The following PLXDC2 variants were observed in gnomAD, a reference collection of about 807,000 sequenced individuals.
PLXDC2 encodes the protein plexin domain containing 2.
PLXDC2 carries 40 observed loss-of-function variants against 68.9 expected under a neutral mutation model. The ratio of observed to expected loss-of-function variants is 0.58; its 90% CI spans 0.45 to 0.76. The LOEUF is 0.76. Among genes scored for constraint, PLXDC2 ranks in the 30% least tolerant of loss-of-function variants. The probability of loss-of-function intolerance (pLI) is 0.00; values close to 1 mark genes in which losing one functional copy is unlikely to be tolerated. For synonymous variants in PLXDC2, 243 were observed against 234.2 expected, an observed-to-expected ratio of 1.04 and a Z score of -0.34; for missense variants, 644 against 661.9, an observed-to-expected ratio of 0.97 and a Z score of 0.30.
intron 1 of PLXDC2, among the ~76,000 whole-genome samples, chr10:19,992,619 C>T (rs1034350729): frequency 6.6e-6 from 1 of 152,088 alleles, no homozygotes; most frequent in African/African-American, 2.4e-5. Context: ...TCCTACTAGA[C>T]AGTTAGTAGA....
intron 1 of PLXDC2, among the ~76,000 whole-genome samples, chr10:19,964,701 C>T (rs544875410): frequency 1.3e-5 from 2 of 152,142 alleles, no homozygotes; most frequent in African/African-American, 4.8e-5. Flanking sequence ...CCCCAGTAGA[C>T]AGAGCCTGAG....
At chr10:20,197,188 A>G (rs1834851330) in intron 9 of PLXDC2, among the ~76,000 whole-genome samples, 2 of 152,212 alleles carry the variant, frequency 1.3e-5, no homozygotes, top group African/African-American at 4.8e-5. Flanking sequence ...TTATATAACA[A>G]TAAATATAAG....
intron 1 of PLXDC2, among the ~76,000 whole-genome samples, chr10:19,828,711 G>A (rs1032719530): frequency 6.6e-6 from 1 of 152,188 alleles, no homozygotes; most frequent in African/African-American, 2.4e-5. Flanking sequence ...TCTCAGTTTT[G>A]TCAAGCTGTT....
intron 4 of PLXDC2, among the ~76,000 whole-genome samples, chr10:20,132,540 G>C (rs1028763365): frequency 3.5e-4 from 53 of 151,934 alleles, no homozygotes; most frequent in Admixed American, 4.6e-4. Context: ...AATATTGAGG[G>C]CATAACTATT....
chr10:20,250,497 T>A (rs11011907), intron 13 of PLXDC2, among the ~76,000 whole-genome samples: 40,027 of 151,988 alleles, frequency 0.26, 5,624 homozygotes, highest in African/African-American at 0.36. Context: ...ACTGTGTGTG[T>A]TACAAAGATT....
At chr10:19,839,371 T>G (rs1218451249) in intron 1 of PLXDC2, among the ~76,000 whole-genome samples, 1 of 152,092 alleles carries the variant, frequency 6.6e-6, no homozygotes, top group East Asian at 1.9e-4. Context: ...TTTTGCAATT[T>G]CTTTTTAAGC....
Position 20,232,254 on chromosome 10 carries a change from T to C in PLXDC2, c.1313-13091T>C, listed in dbSNP as rs562848229. Reference sequence around the variant, plus strand: ...GAGGATATGGTGCACTTGAACTCTATACATTTCTGATTGGAGTGTGATGTT... The same window carrying C: ...GAGGATATGGTGCACTTGAACTCTACACATTTCTGATTGGAGTGTGATGTT... On this transcript the variant is annotated intron_variant, in intron 12 of 13. Coordinates refer to ENST00000377252, the MANE Select transcript of PLXDC2 (RefSeq NM_032812.9). Among the ~76,000 whole-genome samples, 3 of 152,284 alleles carry C rather than the reference T, an allele frequency of 2.0e-5. No homozygotes were observed. In the South Asian group the frequency reaches 6.2e-4, roughly 32 times the overall value.
intron 1 of PLXDC2, among the ~76,000 whole-genome samples, chr10:19,994,064 T>C (rs1355488587): frequency 1.3e-5 from 2 of 152,096 alleles, no homozygotes; most frequent in African/African-American, 4.8e-5. Flanking sequence ...CAATCCCACA[T>C]AGCCATGCCC....
At chr10:19,875,588 T>C (rs762388002) in intron 1 of PLXDC2, among the ~76,000 whole-genome samples, 15 of 152,172 alleles carry the variant, frequency 9.9e-5, no homozygotes, top group Non-Finnish European at 2.9e-5. Context: ...TGCTGTATGG[T>C]GTGTGTGTGC....
At chr10:20,228,613 G>A (rs1481677564) in intron 12 of PLXDC2, among the ~76,000 whole-genome samples, 1 of 127,932 alleles carries the variant, frequency 7.8e-6, no homozygotes, top group Non-Finnish European at 1.7e-5. Context: ...GAAGGAAGGA[G>A]GAAAGAAGGA....
intron 6 of PLXDC2, among the ~76,000 whole-genome samples, chr10:20,155,845 A>G (rs1483433355): frequency 6.6e-6 from 1 of 152,170 alleles, no homozygotes; most frequent in African/African-American, 2.4e-5. Context: ...TAGAAAGATC[A>G]ATGTCCCAGA....
At chr10:19,915,321 C>T (rs1833346107) in intron 1 of PLXDC2, among the ~76,000 whole-genome samples, 1 of 152,076 alleles carries the variant, frequency 6.6e-6, no homozygotes, top group African/African-American at 2.4e-5. Context: ...AGAGATGATG[C>T]AATACATCTG....
chr10:20,203,837 A>G (rs926364067), intron 9 of PLXDC2, among the ~76,000 whole-genome samples: 3 of 152,306 alleles, frequency 2.0e-5, no homozygotes, highest in Non-Finnish European at 4.4e-5. Flanking sequence ...TTCCATCTGA[A>G]ACTCATCTCT....
At chr10:20,239,825 A>G (rs889099533) in intron 12 of PLXDC2, among the ~76,000 whole-genome samples, 4 of 152,232 alleles carry the variant, frequency 2.6e-5, no homozygotes, top group Non-Finnish European at 5.9e-5. Context: ...GGAAATGAGC[A>G]TACTCAAGCA....
In PLXDC2 at chr10:20,285,740, A is replaced by C. The variant is rs1836145360; in HGVS notation, c.*5921A>C. The C allele has an allele frequency of 6.6e-6, 1 of 152,176 alleles. No individual in the cohort carries two copies. The highest frequency in any genetic ancestry group is 6.5e-5 in the Admixed American group (1 of 15,284). 9.4% of individuals were successfully genotyped at this position (152,176 alleles called of 1,614,324 possible). A position where few individuals can be genotyped will look rare whatever the true frequency, so the allele number is the denominator to read the frequency against. ...TTAATATCACTGTTTTGAGGTATTCAGAAACACCAGTGTATCAAAAAAGCA... is the reference window on the plus strand; with the variant it reads ...TTAATATCACTGTTTTGAGGTATTCCGAAACACCAGTGTATCAAAAAAGCA... On this transcript the variant is annotated 3_prime_UTR_variant, in exon 14 of 14. Coordinates refer to ENST00000377252, the MANE Select transcript of PLXDC2 (RefSeq NM_032812.9).
intron 2 of PLXDC2, among the ~76,000 whole-genome samples, chr10:20,009,872 T>A (rs1258473102): frequency 6.6e-6 from 1 of 151,848 alleles, no homozygotes; most frequent in Non-Finnish European, 1.5e-5. Flanking sequence ...AAGGCAAGTT[T>A]GCAATGATGC....
Position 20,283,537 on chromosome 10 carries a change from C to T in PLXDC2, c.*3718C>T, listed in dbSNP as rs543525162. 3 of 152,306 alleles carry T rather than the reference C, an allele frequency of 2.0e-5. No individual in the cohort carries two copies. The highest frequency in any genetic ancestry group is 2.0e-4 in the Admixed American group (3 of 15,302). The allele number at this position is 152,306 out of a possible 1,614,324, so 9.4% of individuals were successfully genotyped here. A position where few individuals can be genotyped will look rare whatever the true frequency, so the allele number is the denominator to read the frequency against. On this transcript the variant is annotated 3_prime_UTR_variant, in exon 14 of 14. Coordinates refer to ENST00000377252, the MANE Select transcript of PLXDC2 (RefSeq NM_032812.9). ...AGAAAAAGAGAATGCATTCAAAACACAAAGCAAAATTGCTTCAGTTTCTTT... is the reference window on the plus strand; with the variant it reads ...AGAAAAAGAGAATGCATTCAAAACATAAAGCAAAATTGCTTCAGTTTCTTT...
chr10:20,262,866 G>C (rs1159314381), intron 13 of PLXDC2, among the ~76,000 whole-genome samples: 2 of 152,184 alleles, frequency 1.3e-5, no homozygotes, highest in Non-Finnish European at 2.9e-5. Flanking sequence ...GGTCCTCCAG[G>C]CCTGGGCCTC....
intron 1 of PLXDC2, among the ~76,000 whole-genome samples, chr10:19,892,264 A>G (rs76989706): frequency 1.4e-3 from 215 of 152,306 alleles, no homozygotes; most frequent in Non-Finnish European, 2.6e-3. Flanking sequence ...TGCTATTATT[A>G]TCTCTGTGTT....
Sources: gnomAD v4.1 joint callset for allele counts (sites outside exome capture counted in the v4.1 genomes callset) on GRCh38, gnomAD v4.1.1 for gene constraint, MANE v1.5 for transcripts, NCBI Gene and HGNC (gene_info 2026-07-23, HGNC 2026-07-21) for gene names.